The following HTR1D variants were observed in gnomAD, a reference collection of about 807,000 sequenced individuals.
HTR1D encodes 5-HT-1D.
In HTR1D, 18 loss-of-function variants were observed where a neutral mutation model predicts 21.1. The observed-to-expected ratio is 0.85, with a 90% confidence interval of 0.59 to 1.27. HTR1D has a LOEUF of 1.27. Ranked by LOEUF, HTR1D falls within the 50% of genes most tolerant of loss-of-function variation. The pLI is 0.00. For synonymous variants in HTR1D, 196 were observed against 204.4 expected (o/e 0.96, Z 0.35); for missense variants, 456 against 481.4 (o/e 0.95, Z 0.49).
In HTR1D at chr1:23,194,339, C is replaced by G; in HGVS notation, c.-120G>C. Reference sequence around the variant, plus strand: ...CACTGGTGGGAGCCGTACACCAGAACAGACCACAGTGAAAAGGTCTCAAGA... The same window carrying G: ...CACTGGTGGGAGCCGTACACCAGAAGAGACCACAGTGAAAAGGTCTCAAGA... On this transcript the variant is annotated 5_prime_UTR_variant, in exon 2 of 2. Transcript: ENST00000374619. 1.2e-6 allele frequency: 1 copy of G among 833,530 alleles called. No individual in the cohort carries two copies. Among genetic ancestry groups the G allele is most frequent in the Non-Finnish European group, 1.9e-6 (1 of 516,336 alleles). The allele number at this position is 833,530 out of a possible 1,614,324, so 51.6% of individuals were successfully genotyped here.
chr1:23,216,154 C>T (rs1644772697), intron 1 of HTR1D, among the ~76,000 whole-genome samples: 1 of 152,232 alleles, frequency 6.6e-6, no homozygotes, highest in African/African-American at 2.4e-5. Flanking sequence ...GAGACCCCAG[C>T]CAGTGGCTGT....
intron 1 of HTR1D, among the ~76,000 whole-genome samples, chr1:23,206,520 A>G (rs1240524442): frequency 6.6e-6 from 1 of 152,162 alleles, no homozygotes; most frequent in East Asian, 1.9e-4. Context: ...CTCCAGCAGC[A>G]CAGACCTGCC....
intron 1 of HTR1D, among the ~76,000 whole-genome samples, chr1:23,208,478 G>A (rs566363160): frequency 2.0e-5 from 3 of 152,142 alleles, no homozygotes; most frequent in South Asian, 4.1e-4. Flanking sequence ...GGCTGGGGCA[G>A]GAAAATCGCT....
chr1:23,215,646 G>T (rs1557730504), intron 1 of HTR1D, among the ~76,000 whole-genome samples: 1 of 152,214 alleles, frequency 6.6e-6, no homozygotes. Context: ...TAGGAGAGAA[G>T]GGATGAGCCA....
chr1:23,216,958 G>A (rs1644776571), intron 1 of HTR1D, among the ~76,000 whole-genome samples: 1 of 151,994 alleles, frequency 6.6e-6, no homozygotes, highest in Admixed American at 6.5e-5. Context: ...CCCCTCGGGG[G>A]GCGTCGCGGT....
Position 23,217,109 on chromosome 1 carries a change from G to A in HTR1D, c.-783+182C>T, listed in dbSNP as rs555559981. Among the ~76,000 whole-genome samples, 1 of 151,806 alleles carries A rather than the reference G, an allele frequency of 6.6e-6. No individual in the cohort carries two copies. The highest frequency in any genetic ancestry group is 6.6e-5 in the Admixed American group (1 of 15,266). Reference sequence around the variant, plus strand: ...CCCGGGGCTCTGGACGGCCACCCCCGGTGGCCTCCCTCCGGCCGGGCAGGT... The same window carrying A: ...CCCGGGGCTCTGGACGGCCACCCCCAGTGGCCTCCCTCCGGCCGGGCAGGT... On this transcript the variant is annotated intron_variant, in intron 1 of 1. Transcript: ENST00000374619. The surrounding 1 kb of genome is among the most constrained non-coding windows in gnomAD (Gnocchi z 4.6).
intron 1 of HTR1D, among the ~76,000 whole-genome samples, chr1:23,211,097 AG>A: frequency 6.6e-6 from 1 of 152,346 alleles, no homozygotes; most frequent in Non-Finnish European, 1.5e-5. Context: ...TCAGAGCACA[AG>A]CTTTGGAGCT....
At chr1:23,215,838 C>T (rs567115797) in intron 1 of HTR1D, among the ~76,000 whole-genome samples, 1 of 152,364 alleles carries the variant, frequency 6.6e-6, no homozygotes, top group South Asian at 2.1e-4. Flanking sequence ...CCATCCCCCA[C>T]CCACGGGCTG....
rs774261680 is a variant in HTR1D, at chr1:23,193,392, G to A, written c.828C>T (p.His276=). The part of the protein sequence containing the change: ...HSAGSPLFFN[H]VKIKLADSAL... ...CACTGTCAGCAAGCTTGATTTTCAC[G>A]TGGTTGAAAAAGAGAGGGGAGCCAG... The change falls in exon 2 of 2, where the codon CAC becomes CAT. Residue 276 remains histidine, a synonymous_variant. Coordinates refer to ENST00000374619, the MANE Select transcript of HTR1D (RefSeq NM_000864.5). The A allele has an allele frequency of 7.4e-6, 12 of 1,614,146 alleles. No individual in the cohort carries two copies. The highest frequency in any genetic ancestry group is 1.1e-5 in the South Asian group (1 of 91,086).
intron 1 of HTR1D, among the ~76,000 whole-genome samples, chr1:23,205,531 A>G (rs1644726573): frequency 6.6e-6 from 1 of 152,134 alleles, no homozygotes; most frequent in Non-Finnish European, 1.5e-5. Flanking sequence ...AAGTCCCTTC[A>G]TTCATTAAGT....
chr1:23,193,685 C>A lies in HTR1D; in HGVS notation c.535G>T (p.Ala179Ser). 6.2e-7 allele frequency: 1 copy of A among 1,613,464 alleles called. No homozygotes were observed. Among genetic ancestry groups the A allele is most frequent in the Non-Finnish European group, 8.5e-7 (1 of 1,179,670 alleles). Residue 179 changes from alanine (A) to serine (S), a missense_variant, in exon 2 of 2, where the codon GCC becomes TCC. Ala to Ser is a moderately conservative substitution (Grantham distance 99). Coordinates refer to ENST00000374619, the MANE Select transcript of HTR1D (RefSeq NM_000864.5). Reference sequence around the variant, plus strand: ...TCCGACATCTCCTCCTGGGCCTTGGCCTGCCGCCAGAAGAGCGGGGGGATG... The same window carrying A: ...TCCGACATCTCCTCCTGGGCCTTGGACTGCCGCCAGAAGAGCGGGGGGATG... ...ISIPPLFWRQ[A>S]KAQEEMSDCL...
Position 23,192,971 on chromosome 1 carries a change from A to G in HTR1D, c.*115T>C. 2 of 657,082 alleles carry G rather than the reference A, an allele frequency of 3.0e-6. No homozygotes were observed. Among genetic ancestry groups the G allele is most frequent in the Non-Finnish European group, 4.9e-6 (2 of 412,274 alleles). The allele number at this position is 657,082 out of a possible 1,614,324, so 40.7% of individuals were successfully genotyped here. ...AAAGAACAATTCTGTTGATTGAACC[A>G]AGACTCAAGATACCATGAATTAATC... On this transcript the variant is annotated 3_prime_UTR_variant, in exon 2 of 2. Transcript: ENST00000374619.
chr1:23,214,230 C>A (rs1644765006), intron 1 of HTR1D, among the ~76,000 whole-genome samples: 1 of 152,064 alleles, frequency 6.6e-6, no homozygotes, highest in South Asian at 2.1e-4. Flanking sequence ...AGTTCAAGAC[C>A]AGCCAGGGCA....
intron 1 of HTR1D, among the ~76,000 whole-genome samples, chr1:23,200,856 C>G (rs1569758917): frequency 6.6e-6 from 1 of 152,140 alleles, no homozygotes. Context: ...TCCTCCCTGC[C>G]CACCCATTTT....
chr1:23,198,090 G>T (rs1175433817), intron 1 of HTR1D, among the ~76,000 whole-genome samples: 3 of 151,378 alleles, frequency 2.0e-5, no homozygotes, highest in African/African-American at 7.3e-5. Context: ...AAAAAGTGTG[G>T]GCCGGGCGCA....
Position 23,195,754 on chromosome 1 carries a change from C to A in HTR1D, c.-782-753G>T, listed in dbSNP as rs577745709. Among the ~76,000 whole-genome samples, 20 of 152,084 alleles carry A rather than the reference C, an allele frequency of 1.3e-4. No individual in the cohort carries two copies. The South Asian group carries it at 4.2e-3, about 32-fold the overall frequency. On this transcript the variant is annotated intron_variant, in intron 1 of 1. Transcript: ENST00000374619. Reference sequence around the variant, plus strand: ...GCTGGCCCCTTGAAGCTTTTTCAGACCTTGTCCTATGTACCTTTTCTTCTG... The same window carrying A: ...GCTGGCCCCTTGAAGCTTTTTCAGAACTTGTCCTATGTACCTTTTCTTCTG...
At chr1:23,207,186 G>A (rs1178424305) in intron 1 of HTR1D, among the ~76,000 whole-genome samples, 1 of 152,078 alleles carries the variant, frequency 6.6e-6, no homozygotes, top group Non-Finnish European at 1.5e-5. Context: ...ATCACTTGAG[G>A]TCAGGAGTTC....
At chr1:23,208,583 A>G (rs771578490) in intron 1 of HTR1D, among the ~76,000 whole-genome samples, 10 of 152,118 alleles carry the variant, frequency 6.6e-5, no homozygotes, top group Non-Finnish European at 1.3e-4. Flanking sequence ...AAAGAAAAAA[A>G]AAAGAAAGAA....
chr1:23,202,614 T>C (rs1369182984), intron 1 of HTR1D, among the ~76,000 whole-genome samples: 1 of 152,214 alleles, frequency 6.6e-6, no homozygotes, highest in Non-Finnish European at 1.5e-5. Flanking sequence ...GGCTCTGTGA[T>C]AAAAAGATTT....
Sources: allele counts gnomAD v4.1 joint callset (sites outside exome capture counted in the v4.1 genomes callset), GRCh38; gene constraint gnomAD v4.1.1; non-coding constraint Gnocchi (gnomAD v3.1); transcripts MANE v1.5; gene names NCBI Gene and HGNC (gene_info 2026-07-23, HGNC 2026-07-21).